Variants in TET2 observed in about 807,000 individuals in gnomAD.
The protein encoded by TET2 is methylcytosine dioxygenase TET2.
A neutral mutation model predicts 142.9 loss-of-function variants in TET2; 299 were observed. The ratio of observed to expected loss-of-function variants is 2.09; its 90% confidence interval spans 1.90 to 2.30. The LOEUF (loss-of-function observed/expected upper bound fraction) is 2.30. Ranked by LOEUF, TET2 falls within the 30% of genes most tolerant of loss-of-function variation. The pLI is 0.00. For missense variants in TET2, 2,418 were observed against 2,378.0 expected (o/e 1.02, Z -0.35); for synonymous variants, 819 against 849.0 (o/e 0.96, Z 0.61).
At chr4:105,241,749 C>G in intron 4 of TET2, 1 of 1,253,298 alleles carries the variant, frequency 8.0e-7, no homozygotes, top group East Asian at 3.1e-5. Flanking sequence ...AGGTCCCACT[C>G]TGGCTTTCCC....
At position 105,269,609 on chromosome 4, in the gene TET2, G is replaced by T. The variant is rs1193684921; in HGVS notation, c.4045-1G>T. The T allele has an allele frequency of 6.4e-7, 1 of 1,551,278 alleles. No homozygotes were observed. Among genetic ancestry groups the T allele is most frequent in the East Asian group, 2.4e-5 (1 of 40,912 alleles). Reference sequence around the variant, plus strand: ...CATTCACACACACTTTTATTTTTCAGATTGAATATGAACACAGAGCACCAG... The same window carrying T: ...CATTCACACACACTTTTATTTTTCATATTGAATATGAACACAGAGCACCAG... On this transcript the variant is annotated splice_acceptor_variant, in intron 8 of 10. Coordinates refer to ENST00000380013, the MANE Select transcript of TET2 (RefSeq NM_001127208.3). LOFTEE classifies it high-confidence loss of function.
chr4:105,222,333 A>T (rs1405577666), intron 2 of TET2, among the ~76,000 whole-genome samples: 1 of 152,180 alleles, frequency 6.6e-6, no homozygotes, highest in Non-Finnish European at 1.5e-5. Flanking sequence ...TCCCACCAAC[A>T]GCGTAAAAGT....
chr4:105,246,797 G>C (rs776238597), intron 6 of TET2, among the ~76,000 whole-genome samples: 12 of 152,180 alleles, frequency 7.9e-5, no homozygotes, highest in Non-Finnish European at 1.3e-4. Context: ...AAATCCCTGT[G>C]TCCACATGCT....
intron 1 of TET2, among the ~76,000 whole-genome samples, chr4:105,164,586 A>T (rs1724055865): frequency 6.6e-6 from 1 of 152,246 alleles, no homozygotes; most frequent in Non-Finnish European, 1.5e-5. Flanking sequence ...ATACAGGCTC[A>T]TAGGAAATAA....
chr4:105,194,423 C>T (rs1725961634), intron 2 of TET2, among the ~76,000 whole-genome samples: 1 of 151,992 alleles, frequency 6.6e-6, no homozygotes, highest in Admixed American at 6.6e-5. Context: ...TACTATTTTT[C>T]TGTTTATCTT....
intron 7 of TET2, 56 bp downstream of exon 7, chr4:105,259,825 T>C (rs1405417587): frequency 3.0e-5 from 45 of 1,500,448 alleles, no homozygotes; most frequent in Non-Finnish European, 2.4e-5. Context: ...ATTCATTAGC[T>C]TAGATGAAGT....
At chr4:105,244,524 G>A (rs1304746805) in intron 6 of TET2, among the ~76,000 whole-genome samples, 1 of 147,936 alleles carries the variant, frequency 6.8e-6, no homozygotes, top group African/African-American at 2.5e-5. Flanking sequence ...TTCCTCTACT[G>A]TGCTGATAAT....
intron 1 of TET2, among the ~76,000 whole-genome samples, chr4:105,185,229 A>C (rs543720800): frequency 2.0e-5 from 3 of 152,124 alleles, no homozygotes; most frequent in South Asian, 4.1e-4. Context: ...TTTGAAATGT[A>C]GAATTATTTA....
intron 1 of TET2, among the ~76,000 whole-genome samples, chr4:105,173,520 G>C (rs997626308): frequency 1.3e-5 from 2 of 152,060 alleles, no homozygotes; most frequent in Non-Finnish European, 2.9e-5. Flanking sequence ...GCAAAAGAGG[G>C]AGACTCTCTC....
At chr4:105,238,072 C>T (rs1388797486) in intron 3 of TET2, 4 of 342,296 alleles carry the variant, frequency 1.2e-5, no homozygotes, top group African/African-American at 8.7e-5. Flanking sequence ...TGGTTTCTCA[C>T]TGTATGTAAA....
chr4:105,177,920 C>T (rs1181849318), intron 1 of TET2: 1 of 152,032 alleles, frequency 6.6e-6, no homozygotes, highest in African/African-American at 2.4e-5. Flanking sequence ...AACCCCAGCT[C>T]TACTAAAGAT....
intron 3 of TET2, chr4:105,240,823 T>G (rs1405478218): frequency 9.3e-7 from 1 of 1,079,448 alleles, no homozygotes; most frequent in African/African-American, 1.6e-5. Context: ...GATTGACTAT[T>G]CTTATTTGCA....
At chr4:105,178,616 T>C (rs1724942055) in intron 1 of TET2, among the ~76,000 whole-genome samples, 2 of 152,182 alleles carry the variant, frequency 1.3e-5, no homozygotes, top group Non-Finnish European at 2.9e-5. Context: ...GTAACAAATA[T>C]ACCACTCTGG....
At chr4:105,190,588 A>G in intron 2 of TET2, 83 bp downstream of exon 2, 2 of 668,526 alleles carry the variant, frequency 3.0e-6, no homozygotes, top group Non-Finnish European at 5.4e-6. Flanking sequence ...CCCAAACTTC[A>G]ACTTCAAGTT....
At chr4:105,206,517 C>T (rs1465786095) in intron 2 of TET2, among the ~76,000 whole-genome samples, 1 of 152,178 alleles carries the variant, frequency 6.6e-6, no homozygotes, top group Non-Finnish European at 1.5e-5. Context: ...CTATCACAGC[C>T]CATGCCCTCC....
At chr4:105,204,802 A>G (rs980954774) in intron 2 of TET2, among the ~76,000 whole-genome samples, 1 of 152,202 alleles carries the variant, frequency 6.6e-6, no homozygotes, top group African/African-American at 2.4e-5. Context: ...CTGTAGGTAC[A>G]GCACCTCTGT....
Position 105,272,793 on chromosome 4 carries a change from C to G in TET2, c.4412C>G (p.Ala1471Gly), listed in dbSNP as rs760947838. Residue 1471 changes from alanine to glycine, a missense_variant, in exon 10 of 11, where the codon GCC (alanine) becomes GGC (glycine). Coordinates refer to ENST00000380013, the MANE Select transcript of TET2 (RefSeq NM_001127208.3). ...ACTTGCCGACAAAGGAAACTAGAAG[C>G]CAAGAAAGCTGCAGCTGAAAAGCTT... ...VKTCRQRKLE[A>G]KKAAAEKLSS... 1 of 1,551,552 alleles carries G rather than the reference C, an allele frequency of 6.4e-7. No individual in the cohort carries two copies. Among genetic ancestry groups the G allele is most frequent in the South Asian group, 1.2e-5 (1 of 84,054 alleles).
At chr4:105,190,607 C>A in intron 2 of TET2, 102 bp downstream of exon 2, 1 of 638,648 alleles carries the variant, frequency 1.6e-6, no homozygotes, top group Non-Finnish European at 2.8e-6. Context: ...TTACCCTGCA[C>A]CCTCTCAAAT....
chr4:105,257,368 T>TATTTC (rs1244830872), intron 6 of TET2, among the ~76,000 whole-genome samples: 1 of 152,178 alleles, frequency 6.6e-6, no homozygotes, highest in East Asian at 1.9e-4. Flanking sequence ...GGTTGTTGTT[T>TATTTC]ATTTCTTTTT....
Sources: allele counts gnomAD v4.1 joint callset (sites outside exome capture counted in the v4.1 genomes callset), GRCh38; gene constraint gnomAD v4.1.1; transcripts MANE v1.5; gene names NCBI Gene and HGNC (gene_info 2026-07-23, HGNC 2026-07-21).